Variants in ATP6V0A2 observed in about 807,000 individuals in gnomAD.
The protein encoded by ATP6V0A2 is ATPase H+ transporting V0 subunit a2, also known as V-type proton ATPase 116 kDa subunit a 2.
ATP6V0A2 carries 58 observed loss-of-function variants against 104.4 expected under a neutral mutation model. The ratio of observed to expected loss-of-function variants is 0.56; its 90% CI spans 0.45 to 0.69. The LOEUF (loss-of-function observed/expected upper bound fraction) is 0.69. Among genes scored for constraint, ATP6V0A2 ranks in the 30% least tolerant of loss-of-function variants. ATP6V0A2 has a pLI of 0.00. For missense variants in ATP6V0A2, 938 were observed against 1,062.9 expected (o/e 0.88, Z 1.63); for synonymous variants, 376 against 397.9 (o/e 0.95, Z 0.65).
rs146137462 is a variant in ATP6V0A2, at chr12:123,754,474, C to T, written c.2230C>T (p.Leu744=). The T allele has an allele frequency of 1.7e-5, 27 of 1,614,030 alleles. No homozygotes were observed. In the African/African-American group the frequency reaches 2.7e-4, roughly 16 times the overall value. Residue 744 remains leucine (L), a synonymous_variant, in exon 18 of 20, where the codon CTG becomes TTG. Transcript: ENST00000330342. ...AGTAATCCATTCCATCGAGTACTGTCTGGGATGCATCTCCAACACCGCCTC... is the reference window on the plus strand; with the variant it reads ...AGTAATCCATTCCATCGAGTACTGTTTGGGATGCATCTCCAACACCGCCTC... ...TQVIHSIEYC[L]GCISNTASYL... is the part of the protein sequence containing the mutation.
At chr12:123,716,717 G>T (rs1212040247) in intron 1 of ATP6V0A2, among the ~76,000 whole-genome samples, 1 of 151,536 alleles carries the variant, frequency 6.6e-6, no homozygotes, top group Non-Finnish European at 1.5e-5. Flanking sequence ...CTTGAACCTG[G>T]GAGGCAGAGG....
At chr12:123,757,040 C>T (rs978031449) in intron 19 of ATP6V0A2, 54 bp downstream of exon 19, 22 of 1,592,054 alleles carry the variant, frequency 1.4e-5, no homozygotes, top group Non-Finnish European at 1.6e-5. Flanking sequence ...ACCCGCCCCC[C>T]CACTGCCCCG....
chr12:123,727,740 TA>T, intron 5 of ATP6V0A2, 42 bp from the exon 6 acceptor site: 1 of 1,612,522 alleles, frequency 6.2e-7, no homozygotes, highest in South Asian at 1.1e-5. Flanking sequence ...TGATAACATT[TA>T]TTGCTTTCAG....
chr12:123,744,949 C>T lies in ATP6V0A2; in HGVS notation c.1582C>T (p.Pro528Ser). The T allele has an allele frequency of 6.2e-7, 1 of 1,614,200 alleles. No individual in the cohort carries two copies. Among genetic ancestry groups the T allele is most frequent in the Non-Finnish European group, 8.5e-7 (1 of 1,180,026 alleles). ...DPSIPGVFRG[P>S]YPLGIDPIWN... Reference sequence around the variant, plus strand: ...AAGCATTCCTGGAGTGTTCCGAGGCCCTTATCCCCTTGGCATTGATCCTGT... The same window carrying T: ...AAGCATTCCTGGAGTGTTCCGAGGCTCTTATCCCCTTGGCATTGATCCTGT... Residue 528 changes from proline to serine, a missense_variant, in exon 13 of 20, where the codon CCT (proline) becomes TCT (serine). Physicochemically the swap from Pro to Ser is moderately conservative, Grantham distance 74. Coordinates refer to ENST00000330342, the MANE Select transcript of ATP6V0A2 (RefSeq NM_012463.4). This position sits in a 1 kb window ranked among gnomAD's most constrained non-coding sequence, Gnocchi z 5.4.
At chr12:123,719,696 C>T (rs1299967873) in intron 2 of ATP6V0A2, among the ~76,000 whole-genome samples, 1 of 152,092 alleles carries the variant, frequency 6.6e-6, no homozygotes, top group Non-Finnish European at 1.5e-5. Context: ...CTACCCCTCC[C>T]CCTGAGCCCC....
intron 2 of ATP6V0A2, 137 bp from the exon 3 acceptor site, chr12:123,722,214 T>C (rs919374040): frequency 7.0e-6 from 5 of 718,890 alleles, no homozygotes; most frequent in Non-Finnish European, 1.2e-5. Flanking sequence ...AGTAAGTCAG[T>C]TGGGACAAGC....
In ATP6V0A2 at chr12:123,727,908, C is replaced by G. The variant is rs2135890957; in HGVS notation, c.647C>G (p.Thr216Arg). The change falls in exon 6 of 20, where the codon ACA becomes AGA. Residue 216 changes from threonine (T) to arginine (R), a missense_variant and splice_region_variant. Transcript: ENST00000330342. ...GATGAATCCCTTGAAGACCCTGAAACAGTGAGTAAATGTCACCATCACCTT... is the reference window on the plus strand; with the variant it reads ...GATGAATCCCTTGAAGACCCTGAAAGAGTGAGTAAATGTCACCATCACCTT... The part of the protein sequence containing the change: ...ELDESLEDPE[T>R]GEVIKWYVFL... 6.2e-7 allele frequency: 1 copy of G among 1,614,184 alleles called. No homozygotes were observed. Among genetic ancestry groups the G allele is most frequent in the South Asian group, 1.1e-5 (1 of 91,090 alleles).
At chr12:123,736,182 A>G (rs1956551329) in intron 8 of ATP6V0A2, among the ~76,000 whole-genome samples, 1 of 118,008 alleles carries the variant, frequency 8.5e-6, no homozygotes, top group African/African-American at 3.2e-5. Context: ...CTGGATTGTG[A>G]TTCTTTTTTT....
chr12:123,749,021 G>T (rs1956689778), intron 15 of ATP6V0A2, among the ~76,000 whole-genome samples: 1 of 152,178 alleles, frequency 6.6e-6, no homozygotes. Flanking sequence ...CAGGCATAGT[G>T]GCTCATTTCT....
intron 2 of ATP6V0A2, 37 bp from the exon 3 acceptor site, chr12:123,722,314 A>C: frequency 1.6e-6 from 2 of 1,233,508 alleles, no homozygotes; most frequent in South Asian, 1.2e-5. Flanking sequence ...ATTATAGTAC[A>C]TTTTAGTATC....
chr12:123,754,039 G>A (rs1484648363), intron 17 of ATP6V0A2: 4 of 310,228 alleles, frequency 1.3e-5, no homozygotes, highest in African/African-American at 8.4e-5. Context: ...TACTCTTAGG[G>A]TTGGTGAATA....
At chr12:123,750,980 C>A in intron 15 of ATP6V0A2, 130 bp from the exon 16 acceptor site, 2 of 1,276,142 alleles carry the variant, frequency 1.6e-6, no homozygotes, top group Non-Finnish European at 2.3e-6. Context: ...GCAAGTGTAG[C>A]TGGCTGGCAT....
intron 2 of ATP6V0A2, among the ~76,000 whole-genome samples, chr12:123,718,910 G>A (rs1271628829): frequency 6.6e-6 from 1 of 151,874 alleles, no homozygotes; most frequent in Non-Finnish European, 1.5e-5. Context: ...CAAACATAAT[G>A]GCCTGGTTAT....
At position 123,754,784 on chromosome 12, in the gene ATP6V0A2, T is replaced by TA. The variant is rs879911156; in HGVS notation, c.2293+257dup. On this transcript the variant is annotated intron_variant, in intron 18 of 19. Coordinates refer to ENST00000330342, the MANE Select transcript of ATP6V0A2 (RefSeq NM_012463.4). Reference sequence around the variant, plus strand: ...GTCTGGCTTCAGAGCCTGCCCAATTTAAAAAAAAAATCACTGAGACACAAG... The same window carrying TA: ...GTCTGGCTTCAGAGCCTGCCCAATTTAAAAAAAAAAATCACTGAGACACAAG... 3.0e-3 allele frequency: 1,432 copies of TA among 475,562 alleles called. 1 individual carries two copies. Among genetic ancestry groups the TA allele is most frequent in the Non-Finnish European group, 3.3e-3 (865 of 263,566 alleles). The allele number at this position is 475,562 out of a possible 1,614,324, so 29.5% of individuals were successfully genotyped here.
rs201752143 is a variant in ATP6V0A2, at chr12:123,744,994, G to A, written c.1605+22G>A. On this transcript the variant is annotated intron_variant, in intron 13 of 19. Coordinates refer to ENST00000330342, the MANE Select transcript of ATP6V0A2 (RefSeq NM_012463.4). The surrounding 1 kb of genome is among the most constrained non-coding windows in gnomAD (Gnocchi z 5.4). ...TCCTGTGAGTGCACCACGCTCTGTC[G>A]TTGTCTCTGGATGCTCTGTGGTGCC... The A allele has an allele frequency of 3.3e-5, 53 of 1,609,242 alleles. No individual in the cohort carries two copies. The highest frequency in any genetic ancestry group is 3.1e-4 in the East Asian group (14 of 44,854).
At chr12:123,723,718 C>G (rs1956422050) in intron 3 of ATP6V0A2, 1 of 152,176 alleles carries the variant, frequency 6.6e-6, no homozygotes, top group Admixed American at 6.5e-5. Context: ...CTTGGCTTCC[C>G]AAAGTGCTGG....
rs201512900 is a variant in ATP6V0A2, at chr12:123,744,870, T to G, written c.1515-12T>G. The G allele has an allele frequency of 3.5e-5, 57 of 1,613,998 alleles. No homozygotes were observed. The highest frequency in any genetic ancestry group is 1.0e-5 in the Non-Finnish European group (12 of 1,179,996). ...TCCCAGGTCAGCCTCCTCACTCTGC[T>G]TTTTGTTACAGTGACAGCGTCGTTA... On this transcript the variant is annotated splice_polypyrimidine_tract_variant and intron_variant, in intron 12 of 19. Coordinates refer to ENST00000330342, the MANE Select transcript of ATP6V0A2 (RefSeq NM_012463.4). This position sits in a 1 kb window ranked among gnomAD's most constrained non-coding sequence, Gnocchi z 5.4.
intron 2 of ATP6V0A2, among the ~76,000 whole-genome samples, chr12:123,719,634 C>CA (rs34940086): frequency 0.021 from 3,176 of 151,876 alleles, 117 homozygotes; most frequent in African/African-American, 0.072. Context: ...CAAACCGCCC[C>CA]AAAAAAGCTT....
intron 9 of ATP6V0A2, among the ~76,000 whole-genome samples, chr12:123,741,123 C>A (rs1055337247): frequency 3.3e-5 from 5 of 152,086 alleles, no homozygotes; most frequent in Non-Finnish European, 2.9e-5. Flanking sequence ...TCCTCTTGCT[C>A]ACTTTTAAAT....
Sources: gnomAD v4.1 joint callset for allele counts (sites outside exome capture counted in the v4.1 genomes callset) on GRCh38, gnomAD v4.1.1 for gene constraint, Gnocchi (gnomAD v3.1) non-coding constraint, MANE v1.5 for transcripts, NCBI Gene and HGNC (gene_info 2026-07-23, HGNC 2026-07-21) for gene names.